Variants in FRYL observed in about 807,000 individuals in gnomAD.
The protein encoded by FRYL is FRY like transcription coactivator, also known as protein furry homolog-like.
In FRYL, 150 loss-of-function variants were observed where a neutral mutation model predicts 351.2. That is an observed-to-expected ratio of 0.43 (90% confidence interval 0.37 to 0.49). The LOEUF is 0.49. Among genes scored for constraint, FRYL ranks in the 20% least tolerant of loss-of-function variants. FRYL has a pLI of 0.00. For missense variants in FRYL, 3,036 were observed against 3,619.3 expected (o/e 0.84, Z 4.13); for synonymous variants, 1,153 against 1,257.1 (o/e 0.92, Z 1.75).
intron 1 of FRYL, among the ~76,000 whole-genome samples, chr4:48,769,624 A>C (rs1356330211): frequency 6.6e-6 from 1 of 152,228 alleles, no homozygotes; most frequent in Non-Finnish European, 1.5e-5. Context: ...AACTGCACAT[A>C]AATATTCCCA....
At chr4:48,653,464 A>C (rs188523097) in intron 3 of FRYL, among the ~76,000 whole-genome samples, 1 of 152,170 alleles carries the variant, frequency 6.6e-6, no homozygotes, top group Admixed American at 6.5e-5. Context: ...TTGCCAGAAT[A>C]ACACAAATTA....
intron 4 of FRYL, among the ~76,000 whole-genome samples, chr4:48,629,823 C>T (rs1019934040): frequency 9.2e-5 from 14 of 151,924 alleles, no homozygotes; most frequent in African/African-American, 3.1e-4. Context: ...GAAAGTATGG[C>T]TAAAGGTGAG....
intron 1 of FRYL, among the ~76,000 whole-genome samples, chr4:48,713,799 C>A (rs1768407691): frequency 3.9e-5 from 6 of 152,288 alleles, no homozygotes; most frequent in Middle Eastern, 3.4e-3. Context: ...ACTCTCCACC[C>A]CAAATCAACA....
intron 53 of FRYL, 55 bp downstream of exon 53, chr4:48,527,422 T>C: frequency 7.0e-7 from 1 of 1,431,578 alleles, no homozygotes; most frequent in East Asian, 2.3e-5. Context: ...GATCAAATCC[T>C]TAATTCTCAT....
Position 48,499,396 on chromosome 4 carries a change from T to C in FRYL, c.*26A>G. 1 of 1,607,738 alleles carries C rather than the reference T, an allele frequency of 6.2e-7. No individual in the cohort carries two copies. The highest frequency in any genetic ancestry group is 8.5e-7 in the Non-Finnish European group (1 of 1,174,962). ...ATATTCTTCATCATCTTCAGTTTAG[T>C]TTCTTTCCTAAAGGCCTGAAGTGTC... On this transcript the variant is annotated 3_prime_UTR_variant, in exon 64 of 64. Transcript: ENST00000358350.
intron 1 of FRYL, among the ~76,000 whole-genome samples, chr4:48,718,456 G>A (rs1297166278): frequency 1.3e-5 from 2 of 151,282 alleles, no homozygotes; most frequent in Admixed American, 1.3e-4. Flanking sequence ...ATATTATATA[G>A]CCAATATTGT....
chr4:48,617,593 T>C (rs1423845896), intron 7 of FRYL: 1 of 152,046 alleles, frequency 6.6e-6, no homozygotes, highest in Non-Finnish European at 1.5e-5. Context: ...GTCTTTTTTT[T>C]TCTTTTTTTT....
At chr4:48,658,145 G>A (rs1308591626) in intron 3 of FRYL, among the ~76,000 whole-genome samples, 1 of 51,158 alleles carries the variant, frequency 2.0e-5, no homozygotes, top group African/African-American at 7.2e-5. Flanking sequence ...AATGAAGTTC[G>A]GATTTAACTA....
chr4:48,769,892 T>G (rs1775336526), intron 1 of FRYL, among the ~76,000 whole-genome samples: 1 of 152,176 alleles, frequency 6.6e-6, no homozygotes, highest in Non-Finnish European at 1.5e-5. Flanking sequence ...AGAGAATTAG[T>G]GGCTGCCAGT....
chr4:48,510,032 T>A (rs757815929), intron 59 of FRYL, 27 bp downstream of exon 59: 1 of 1,532,928 alleles, frequency 6.5e-7, no homozygotes, highest in Non-Finnish European at 9.0e-7. Context: ...GCAAACCACT[T>A]TTCGCACATG....
intron 3 of FRYL, among the ~76,000 whole-genome samples, chr4:48,673,018 C>G (rs2149511699): frequency 6.6e-6 from 1 of 152,284 alleles, no homozygotes; most frequent in Middle Eastern, 3.4e-3. Context: ...AAAATAAGTG[C>G]TACATCGTGG....
chr4:48,743,624 T>C (rs550492589), intron 1 of FRYL, among the ~76,000 whole-genome samples: 1 of 152,346 alleles, frequency 6.6e-6, no homozygotes, highest in Non-Finnish European at 1.5e-5. Flanking sequence ...TCAACTTGGC[T>C]AGTCCATGGT....
intron 7 of FRYL, among the ~76,000 whole-genome samples, chr4:48,616,410 A>G (rs1427492099): frequency 6.6e-6 from 1 of 152,226 alleles, no homozygotes. Flanking sequence ...ATATGTATTG[A>G]GGACTTTCCA....
chr4:48,575,616 G>A (rs1739435258), intron 24 of FRYL, among the ~76,000 whole-genome samples: 1 of 152,194 alleles, frequency 6.6e-6, no homozygotes, highest in Non-Finnish European at 1.5e-5. Flanking sequence ...TCATTTTCAT[G>A]AAAACTAAAC....
chr4:48,657,468 T>C (rs921772209), intron 3 of FRYL, among the ~76,000 whole-genome samples: 5 of 151,878 alleles, frequency 3.3e-5, no homozygotes, highest in African/African-American at 1.2e-4. Context: ...ATGAGTTTTC[T>C]ACCCTTAACC....
chr4:48,676,887 G>A (rs1763791762), intron 3 of FRYL, among the ~76,000 whole-genome samples: 1 of 152,148 alleles, frequency 6.6e-6, no homozygotes, highest in African/African-American at 2.4e-5. Context: ...GCACTTTATT[G>A]AATTATGTAA....
At chr4:48,623,528 T>C (rs899575517) in intron 4 of FRYL, among the ~76,000 whole-genome samples, 2 of 152,214 alleles carry the variant, frequency 1.3e-5, no homozygotes, top group Admixed American at 1.3e-4. Flanking sequence ...GTCAACAGTA[T>C]GTGTTCTTTC....
At position 48,585,384 on chromosome 4, in the gene FRYL, G is replaced by A. The variant is rs918514345; in HGVS notation, c.1748+1237C>T. The stretch of plus-strand genomic sequence containing the variant: ...ACAGTTGAGGATAATGTAGTGCCAG[G>A]GTGTGTGAAAAGCTAGGGAAGTGGG... On this transcript the variant is annotated intron_variant, in intron 19 of 63. Coordinates refer to ENST00000358350, the MANE Select transcript of FRYL (RefSeq NM_015030.2). 2.0e-5 allele frequency among the ~76,000 whole-genome samples: 3 copies of A among 152,140 alleles called. No individual in the cohort carries two copies. In the East Asian group the frequency reaches 5.8e-4, roughly 29 times the overall value.
chr4:48,609,601 GA>G (rs1363005743), intron 8 of FRYL, 142 bp downstream of exon 8: 10 of 483,318 alleles, frequency 2.1e-5, no homozygotes, highest in Non-Finnish European at 3.3e-5. Context: ...CAGGCTGGGT[GA>G]AAGTGAGACC....
Sources: gnomAD v4.1 joint callset for allele counts (sites outside exome capture counted in the v4.1 genomes callset) on GRCh38, gnomAD v4.1.1 for gene constraint, MANE v1.5 for transcripts, NCBI Gene and HGNC (gene_info 2026-07-23, HGNC 2026-07-21) for gene names.